Variants in SLC27A6 observed in about 807,000 individuals in gnomAD.
The protein encoded by SLC27A6 is solute carrier family 27 member 6, also known as long-chain fatty acid transport protein 6.
SLC27A6 carries 74 observed loss-of-function variants against 63.9 expected under a neutral mutation model. The ratio of observed to expected loss-of-function variants is 1.16; its 90% CI spans 0.96 to 1.40. The LOEUF (loss-of-function observed/expected upper bound fraction) is 1.40. SLC27A6 is among the 40% of genes most tolerant of loss of function. The probability of loss-of-function intolerance (pLI) is 0.00; values close to 1 mark genes in which losing one functional copy is unlikely to be tolerated. For missense variants in SLC27A6, 794 were observed against 732.9 expected (o/e 1.08, Z -0.96); for synonymous variants, 287 against 260.8 (o/e 1.10, Z -0.97).
chr5:128,975,403 G>C (rs961009365), intron 1 of SLC27A6, among the ~76,000 whole-genome samples: 1 of 152,192 alleles, frequency 6.6e-6, no homozygotes, highest in African/African-American at 2.4e-5. Context: ...TTGTTGTTGT[G>C]TGAACATCAT....
intron 4 of SLC27A6, among the ~76,000 whole-genome samples, chr5:129,005,465 TC>T (rs1561624539): frequency 6.6e-6 from 1 of 152,184 alleles, no homozygotes; most frequent in Non-Finnish European, 1.5e-5. Context: ...AGGAAAGGGT[TC>T]AGCAAGATTT....
chr5:129,024,823 G>A (rs1752183096), intron 6 of SLC27A6, among the ~76,000 whole-genome samples: 1 of 152,070 alleles, frequency 6.6e-6, no homozygotes. Context: ...TTCTTCAAAT[G>A]TGAAGATAAG....
intron 5 of SLC27A6, among the ~76,000 whole-genome samples, chr5:129,021,917 A>G (rs1216242208): frequency 6.6e-6 from 1 of 152,196 alleles, no homozygotes; most frequent in African/African-American, 2.4e-5. Flanking sequence ...CAGTTGCCCA[A>G]TTAATCTAAA....
At chr5:128,966,764 A>G (rs567409569) in intron 1 of SLC27A6, 146 bp downstream of exon 1, 18 of 869,280 alleles carry the variant, frequency 2.1e-5, no homozygotes, top group South Asian at 4.3e-5. Context: ...TTATGATTCT[A>G]TGCTGGTTTA....
At chr5:129,000,153 A>C (rs1455794524) in intron 4 of SLC27A6, among the ~76,000 whole-genome samples, 4 of 152,170 alleles carry the variant, frequency 2.6e-5, no homozygotes, top group Non-Finnish European at 5.9e-5. Context: ...GTGAGCAGTC[A>C]CGCATGAAGA....
intron 4 of SLC27A6, among the ~76,000 whole-genome samples, chr5:129,003,756 G>T (rs1222350103): frequency 6.6e-6 from 1 of 151,968 alleles, no homozygotes; most frequent in East Asian, 1.9e-4. Context: ...GATTGCTTGA[G>T]CCCAGGGGTT....
rs376925018 is a variant in SLC27A6 at position 128,990,336 on chromosome 5, A to G, written c.845-4A>G. The G allele has an allele frequency of 1.4e-4, 223 of 1,609,584 alleles. 1 individual carries two copies. Among genetic ancestry groups the G allele is most frequent in the Middle Eastern group, 3.3e-4 (2 of 6,020 alleles). On this transcript the variant is annotated splice_region_variant and splice_polypyrimidine_tract_variant and intron_variant, in intron 3 of 9. Coordinates refer to ENST00000262462, the MANE Select transcript of SLC27A6 (RefSeq NM_001017372.3). Reference sequence around the variant, plus strand: ...CTAGTGCCTGTTTTTGTCTTTTCTTATAGGTGCCACTTGTGTGTTAAAGAA... The same window carrying G: ...CTAGTGCCTGTTTTTGTCTTTTCTTGTAGGTGCCACTTGTGTGTTAAAGAA...
intron 1 of SLC27A6, among the ~76,000 whole-genome samples, chr5:128,984,476 C>T (rs928602820): frequency 6.6e-6 from 1 of 152,320 alleles, no homozygotes; most frequent in African/African-American, 2.4e-5. Context: ...CTTTGTTATC[C>T]TTGTAGCAGA....
At chr5:128,997,195 G>A (rs1197787067) in intron 4 of SLC27A6, among the ~76,000 whole-genome samples, 1 of 151,976 alleles carries the variant, frequency 6.6e-6, no homozygotes, top group Non-Finnish European at 1.5e-5. Flanking sequence ...TTGTTATCAA[G>A]ATATTCTGAT....
At chr5:129,005,000 G>A (rs1016705788) in intron 4 of SLC27A6, among the ~76,000 whole-genome samples, 1 of 152,154 alleles carries the variant, frequency 6.6e-6, no homozygotes, top group Non-Finnish European at 1.5e-5. Flanking sequence ...TACTTCAGGT[G>A]CTATCCCTGG....
chr5:129,029,707 G>A lies in SLC27A6; in HGVS notation c.1683G>A (p.Gln561=). 1 of 1,593,156 alleles carries A rather than the reference G, an allele frequency of 6.3e-7. No homozygotes were observed. Among genetic ancestry groups the A allele is most frequent in the Non-Finnish European group, 8.5e-7 (1 of 1,173,840 alleles). Residue 561 remains glutamine (Q), a splice_region_variant and synonymous_variant, in exon 9 of 10, where the codon CAG becomes CAA. Transcript: ENST00000262462. Reference sequence around the variant, plus strand: ...CTTGTCCACGATTTTTAAGAATTCAGGTAATTTTAGTGGCGGAGTTTACTA... The same window carrying A: ...CTTGTCCACGATTTTTAAGAATTCAAGTAATTTTAGTGGCGGAGTTTACTA... The part of the protein sequence containing the change: ...AYACPRFLRI[Q]EKMEATGTFK...
intron 4 of SLC27A6, among the ~76,000 whole-genome samples, chr5:129,010,362 C>T (rs929524564): frequency 3.9e-5 from 6 of 152,010 alleles, no homozygotes; most frequent in South Asian, 2.1e-4. Flanking sequence ...TCCTGGAATG[C>T]GTGAATATGT....
chr5:129,027,380 G>A, intron 7 of SLC27A6, 49 bp downstream of exon 7: 2 of 1,419,160 alleles, frequency 1.4e-6, no homozygotes, highest in Non-Finnish European at 2.0e-6. Context: ...TGTGAACCAT[G>A]CTTCTATAGA....
intron 4 of SLC27A6, among the ~76,000 whole-genome samples, chr5:129,010,777 TG>T (rs1454325306): frequency 2.0e-5 from 3 of 152,120 alleles, no homozygotes; most frequent in Admixed American, 6.5e-5. Context: ...AACTTGATTC[TG>T]TCAAGAACCT....
In SLC27A6 at chr5:128,966,146, G is replaced by C; in HGVS notation, c.9G>C (p.Leu3=). Reference sequence around the variant, plus strand: ...CTGGCCCAGTTGCCCCCATGCTTCTGTCATGGCTAACAGTTCTAGGGGCTG... The same window carrying C: ...CTGGCCCAGTTGCCCCCATGCTTCTCTCATGGCTAACAGTTCTAGGGGCTG... ML[L]SWLTVLGAGM... Residue 3 remains leucine (L), a synonymous_variant, in exon 1 of 10, where the codon CTG becomes CTC. Coordinates refer to ENST00000262462, the MANE Select transcript of SLC27A6 (RefSeq NM_001017372.3). 2 of 1,541,996 alleles carry C rather than the reference G, an allele frequency of 1.3e-6. No homozygotes were observed. The highest frequency in any genetic ancestry group is 1.7e-6 in the Non-Finnish European group (2 of 1,148,286).
chr5:128,990,530 T>C (rs927846891), intron 4 of SLC27A6, 66 bp downstream of exon 4: 11 of 1,449,538 alleles, frequency 7.6e-6, no homozygotes, highest in Non-Finnish European at 6.5e-6. Flanking sequence ...GAAAAGGTTA[T>C]TTTTATTTCT....
At chr5:128,991,997 AATTT>A (rs1194223699) in intron 4 of SLC27A6, among the ~76,000 whole-genome samples, 1 of 151,168 alleles carries the variant, frequency 6.6e-6, no homozygotes, top group Non-Finnish European at 1.5e-5. Context: ...TCTTTAATCA[AATTT>A]ATTTAATTCT....
intron 2 of SLC27A6, among the ~76,000 whole-genome samples, chr5:128,986,524 A>G (rs1750792759): frequency 6.6e-6 from 1 of 152,176 alleles, no homozygotes; most frequent in Non-Finnish European, 1.5e-5. Context: ...TTACATTTTA[A>G]AAATCTATTC....
chr5:129,022,292 A>G (rs1752100553), intron 5 of SLC27A6, among the ~76,000 whole-genome samples: 1 of 152,224 alleles, frequency 6.6e-6, no homozygotes, highest in Admixed American at 6.5e-5. Flanking sequence ...TACATTAAAT[A>G]GAACTCTTAA....
Sources: allele counts gnomAD v4.1 joint callset (sites outside exome capture counted in the v4.1 genomes callset), GRCh38; gene constraint gnomAD v4.1.1; transcripts MANE v1.5; gene names NCBI Gene and HGNC (gene_info 2026-07-23, HGNC 2026-07-21).